The following ERAP1 variants were observed in gnomAD, a reference collection of about 807,000 sequenced individuals.
The protein encoded by ERAP1 is adipocyte-derived leucine aminopeptidase.
ERAP1 carries 86 observed loss-of-function variants against 103.7 expected under a neutral mutation model. The observed-to-expected ratio is 0.83, with a 90% CI of 0.70 to 0.99. The LOEUF is 0.99. Ranked by LOEUF, ERAP1 falls within the 50% of genes least tolerant of loss-of-function variation. The pLI, the probability that ERAP1 is intolerant of heterozygous loss-of-function variation, is 0.00. For missense variants in ERAP1, 1,009 were observed against 1,128.4 expected, an observed-to-expected ratio of 0.89 and a Z score of 1.52; for synonymous variants, 398 against 402.4, an observed-to-expected ratio of 0.99 and a Z score of 0.13.
chr5:96,895,597 C>A, the ERAP1 span, among the ~76,000 whole-genome samples: 1 of 152,148 alleles, frequency 6.6e-6, no homozygotes, highest in African/African-American at 2.4e-5. Flanking sequence ...CAAACTAATA[C>A]AAATGTAGAA....
chr5:96,843,772 C>G, the ERAP1 span, among the ~76,000 whole-genome samples: 1 of 152,120 alleles, frequency 6.6e-6, no homozygotes, highest in Admixed American at 6.5e-5. Context: ...ATTCGTTGTT[C>G]TAAATTTCTT....
chr5:96,774,502 T>G lies in ERAP1; in HGVS notation c.*1894A>C. 3.0e-6 allele frequency: 3 copies of G among 986,574 alleles called. No homozygotes were observed. The South Asian group carries it at 1.4e-4, about 46-fold the overall frequency. The allele number at this position is 986,574 out of a possible 1,614,324, so 61.1% of individuals were successfully genotyped here. ...TATCCACTTAGAGGCAAAGAACAAT[T>G]TTTTATTATCAAAAAGGTTTCTGCA... On this transcript the variant is annotated 3_prime_UTR_variant, in exon 19 of 19. Coordinates refer to ENST00000443439, the MANE Select transcript of ERAP1 (RefSeq NM_001040458.3).
In ERAP1 at chr5:96,785,895, G is replaced by A. The variant is rs774638570; in HGVS notation, c.1836C>T (p.Tyr612=). The A allele has an allele frequency of 4.9e-5, 79 of 1,613,910 alleles. No homozygotes were observed. Among genetic ancestry groups the A allele is most frequent in the Non-Finnish European group, 6.3e-5 (74 of 1,179,992 alleles). Residue 612 remains tyrosine, a synonymous_variant, in exon 13 of 19, where the codon TAC becomes TAT. Coordinates refer to ENST00000443439, the MANE Select transcript of ERAP1 (RefSeq NM_001040458.3). ...VGMNGYYIVH[Y]EDDGWDSLTG... is the part of the protein sequence containing the mutation. The stretch of plus-strand genomic sequence containing the variant: ...TCAAAGAGTCCCATCCATCATCCTC[G>A]TAATGCACAATGTAATAGCCATTCA...
At chr5:96,867,011 A>AT in the ERAP1 span, among the ~76,000 whole-genome samples, 3,148 of 136,684 alleles carry the variant, frequency 0.023, 52 homozygotes, top group Non-Finnish European at 0.033. Flanking sequence ...CCTTTCTGAT[A>AT]TTTTTTTTTT....
chr5:96,813,650 C>CAAAAAAAAAAAAAAAAA, the ERAP1 span, among the ~76,000 whole-genome samples: 3 of 55,160 alleles, frequency 5.4e-5, 1 homozygote, highest in African/African-American at 7.1e-5. Flanking sequence ...AGACTCATCT[C>CAAAAAAAAAAAAAAAAA]AAAAAAAAAA....
At chr5:96,916,862 TTA>T in the ERAP1 span, among the ~76,000 whole-genome samples, 2 of 152,074 alleles carry the variant, frequency 1.3e-5, no homozygotes, top group Non-Finnish European at 2.9e-5. Flanking sequence ...ATTCCTGAAC[TTA>T]AATCCCAGCT....
At chr5:96,932,812 CTATT>C in the ERAP1 span, among the ~76,000 whole-genome samples, 1 of 152,034 alleles carries the variant, frequency 6.6e-6, no homozygotes, top group African/African-American at 2.4e-5. Context: ...TCCTGTCATG[CTATT>C]TATTATGTAT....
the ERAP1 span, among the ~76,000 whole-genome samples, chr5:96,815,924 A>T: frequency 6.6e-6 from 1 of 152,138 alleles, no homozygotes; most frequent in East Asian, 1.9e-4. Context: ...GGATGGATGG[A>T]TAGATAAATG....
chr5:96,826,099 G>T, the ERAP1 span, among the ~76,000 whole-genome samples: 4 of 152,204 alleles, frequency 2.6e-5, no homozygotes, highest in Non-Finnish European at 5.9e-5. Flanking sequence ...CTCTAATGCT[G>T]TTGGTGTTAC....
chr5:96,834,257 T>C, the ERAP1 span, among the ~76,000 whole-genome samples: 2 of 152,246 alleles, frequency 1.3e-5, no homozygotes, highest in African/African-American at 4.8e-5. Flanking sequence ...GGTATGTGTG[T>C]ACTTGTCAAC....
chr5:96,900,029 C>G, the ERAP1 span: 77 of 1,422,848 alleles, frequency 5.4e-5, no homozygotes, highest in Non-Finnish European at 7.5e-5. Flanking sequence ...TCATATAGCT[C>G]TTTTAATAAA....
the ERAP1 span, among the ~76,000 whole-genome samples, chr5:96,884,555 T>TTTTGTTTGTTTG: frequency 2.5e-3 from 375 of 151,272 alleles, 2 homozygotes; most frequent in South Asian, 0.016. Flanking sequence ...TATACAAGTT[T>TTTTGTTTGTTTG]TTTGTTTGTT....
chr5:96,810,124 G>T (rs1409922983), upstream of ERAP1, among the ~76,000 whole-genome samples: 1 of 152,188 alleles, frequency 6.6e-6, no homozygotes, highest in East Asian at 1.9e-4. Flanking sequence ...ACTTTAGCCT[G>T]TCGCCCTGGC....
the ERAP1 span, chr5:96,901,521 G>A: frequency 6.2e-7 from 1 of 1,613,240 alleles, no homozygotes; most frequent in Non-Finnish European, 8.5e-7. Flanking sequence ...CTTTCTGGGG[G>A]AAAATGCAGA....
chr5:96,828,653 G>T, the ERAP1 span, among the ~76,000 whole-genome samples: 1 of 151,824 alleles, frequency 6.6e-6, no homozygotes, highest in Non-Finnish European at 1.5e-5. Context: ...TTCTGTGTGA[G>T]GGAAGAGCCA....
At chr5:96,817,596 G>A in the ERAP1 span, among the ~76,000 whole-genome samples, 2 of 152,156 alleles carry the variant, frequency 1.3e-5, no homozygotes, top group East Asian at 1.9e-4. Context: ...CATTGGGAAG[G>A]CTTAAAAAAT....
At chr5:96,860,051 TTTTATTTA>T in the ERAP1 span, among the ~76,000 whole-genome samples, 1 of 152,088 alleles carries the variant, frequency 6.6e-6, no homozygotes, top group East Asian at 1.9e-4. Flanking sequence ...AATCTGTTAA[TTTTATTTA>T]TTTATTTATT....
intron 7 of ERAP1, 83 bp from the exon 8 acceptor site, chr5:96,792,275 C>G: frequency 7.3e-7 from 1 of 1,371,826 alleles, no homozygotes; most frequent in Admixed American, 1.7e-5. Flanking sequence ...TTATCTGAGG[C>G]AAGAAGTCCA....
the ERAP1 span, among the ~76,000 whole-genome samples, chr5:96,891,520 C>CACACACACACACACACACAT: frequency 3.4e-5 from 1 of 29,638 alleles, no homozygotes; most frequent in African/African-American, 1.4e-4. Context: ...TATATATGCC[C>CACACACACACACACACACAT]ATATACGGTA....
Sources: gnomAD v4.1 joint callset for allele counts (sites outside exome capture counted in the v4.1 genomes callset) on GRCh38, gnomAD v4.1.1 for gene constraint, MANE v1.5 for transcripts, NCBI Gene and HGNC (gene_info 2026-07-23, HGNC 2026-07-21) for gene names.